Variants in AUTS2 observed in about 807,000 individuals in gnomAD.
AUTS2 encodes activator of transcription and developmental regulator AUTS2, also known as autism susceptibility gene 2 protein.
A neutral mutation model predicts 112.4 loss-of-function variants in AUTS2; 17 were observed. The observed-to-expected ratio is 0.15, with a 90% CI of 0.10 to 0.23. The LOEUF is 0.23. AUTS2 is among the 10% of genes least tolerant of loss of function. The pLI is 1.00. For synonymous variants in AUTS2, 751 were observed against 702.7 expected (o/e 1.07, Z -1.09); for missense variants, 1,510 against 1,701.6 (o/e 0.89, Z 1.98).
chr7:69,922,725 G>C (rs1014244422), intron 2 of AUTS2, among the ~76,000 whole-genome samples: 1 of 152,152 alleles, frequency 6.6e-6, no homozygotes, highest in Non-Finnish European at 1.5e-5. Context: ...TACTTATAGA[G>C]TGTATGCATT....
rs147864778 is a variant in AUTS2, at chr7:70,791,314, T to TGG, written c.*324_*325dup. On this transcript the variant is annotated 3_prime_UTR_variant, in exon 19 of 19. Transcript: ENST00000342771. ...TGGATGATAATTGTAGCGGGGGCGG[T>TGG]GGGGGGGAGAAGTCCACGCCATCCA... The TGG allele has an allele frequency of 7.6e-5, 6 of 78,804 alleles. No homozygotes were observed. The highest frequency in any genetic ancestry group is 4.7e-4 in the South Asian group (1 of 2,148). The allele number at this position is 78,804 out of a possible 1,614,324, so 4.9% of individuals were successfully genotyped here.
At chr7:69,947,061 A>G (rs1326277732) in intron 2 of AUTS2, among the ~76,000 whole-genome samples, 1 of 152,186 alleles carries the variant, frequency 6.6e-6, no homozygotes, top group Non-Finnish European at 1.5e-5. Flanking sequence ...TGTTACCAGC[A>G]GTGCTTGTTG....
rs144623093 is a variant in AUTS2 at position 69,746,490 on chromosome 7, G to A, written c.309+146528G>A. ...CTGAGATGGAGGTGCTAGTCATCAG[G>A]AAAGACCTCTCTAAGGTTACCTTTA... On this transcript the variant is annotated intron_variant, in intron 1 of 18. Coordinates refer to ENST00000342771, the MANE Select transcript of AUTS2 (RefSeq NM_015570.4). Among the ~76,000 whole-genome samples the A allele has an allele frequency of 1.9e-3, 296 of 152,296 alleles. 1 individual carries two copies. The highest frequency in any genetic ancestry group is 6.8e-3 in the African/African-American group (284 of 41,570).
intron 4 of AUTS2, among the ~76,000 whole-genome samples, chr7:70,426,918 C>T (rs1324299282): frequency 2.0e-5 from 3 of 152,120 alleles, no homozygotes; most frequent in Non-Finnish European, 2.9e-5. Flanking sequence ...TTTTACTCAT[C>T]AGCAAATTTG....
intron 1 of AUTS2, among the ~76,000 whole-genome samples, chr7:69,725,218 A>G (rs7801209): frequency 0.095 from 14,504 of 152,186 alleles, 1,082 homozygotes; most frequent in African/African-American, 0.2. Context: ...TAGCAGGAGT[A>G]TATCAAACAC....
chr7:70,043,574 TTCCTTC>T lies in AUTS2; in HGVS notation c.523-74557_523-74552del, dbSNP rs1563060663. 3.5e-5 allele frequency among the ~76,000 whole-genome samples: 4 copies of T among 113,888 alleles called. No individual in the cohort carries two copies. In the East Asian group the frequency reaches 1.0e-3, roughly 30 times the overall value. The allele number at this position is 113,888 out of a possible 152,430, so 74.7% of individuals were successfully genotyped here. On this transcript the variant is annotated intron_variant, in intron 2 of 18. Coordinates refer to ENST00000342771, the MANE Select transcript of AUTS2 (RefSeq NM_015570.4). ...CTTCCTTCCTTCCTTCCTTCCTTCC[TTCCTTC>T]CTTCCTTCCTTCCTTCCTTCCTTCC... is the stretch of plus-strand genomic sequence containing the variant.
At chr7:70,297,614 G>A (rs1365532646) in intron 4 of AUTS2, among the ~76,000 whole-genome samples, 2 of 151,038 alleles carry the variant, frequency 1.3e-5, no homozygotes, top group East Asian at 3.9e-4. Flanking sequence ...TTTTATATTT[G>A]TAGTAGAGAT....
At chr7:69,920,007 A>AT (rs1045003817) in intron 2 of AUTS2, among the ~76,000 whole-genome samples, 1 of 112,126 alleles carries the variant, frequency 8.9e-6, no homozygotes, top group African/African-American at 3.5e-5. Context: ...TATGTATACA[A>AT]TTTTTTGCAG....
At chr7:70,732,724 C>G (rs1019245781) in intron 6 of AUTS2, among the ~76,000 whole-genome samples, 1 of 152,216 alleles carries the variant, frequency 6.6e-6, no homozygotes, top group East Asian at 1.9e-4. Context: ...AGATTCCAAA[C>G]TCTCTCAATT....
At chr7:69,890,632 A>G (rs1794477443) in intron 1 of AUTS2, among the ~76,000 whole-genome samples, 1 of 152,138 alleles carries the variant, frequency 6.6e-6, no homozygotes, top group Non-Finnish European at 1.5e-5. Context: ...AGATAGAAAG[A>G]TAAGAAAACT....
At chr7:70,654,012 T>G (rs561315615) in intron 5 of AUTS2, among the ~76,000 whole-genome samples, 1 of 152,308 alleles carries the variant, frequency 6.6e-6, no homozygotes, top group South Asian at 2.1e-4. Context: ...TTGTGATTTG[T>G]CTTAAATGGA....
chr7:69,756,005 C>T (rs1447554089), intron 1 of AUTS2, among the ~76,000 whole-genome samples: 15 of 152,156 alleles, frequency 9.9e-5, no homozygotes, highest in Admixed American at 9.8e-4. Flanking sequence ...TTTTCCTAAC[C>T]CCCTGCCATC....
chr7:70,162,496 C>T (rs1357598642), intron 4 of AUTS2, among the ~76,000 whole-genome samples: 1 of 132,716 alleles, frequency 7.5e-6, no homozygotes, highest in African/African-American at 2.7e-5. Context: ...AAAGGAGAAC[C>T]TTTAGTTTGT....
At chr7:70,434,785 G>A (rs1795822096) in intron 4 of AUTS2, among the ~76,000 whole-genome samples, 1 of 152,178 alleles carries the variant, frequency 6.6e-6, no homozygotes, top group Admixed American at 6.5e-5. Flanking sequence ...AGCCAGGCCT[G>A]TATCTCAGGT....
At chr7:70,166,811 G>A (rs949439115) in intron 4 of AUTS2, among the ~76,000 whole-genome samples, 4 of 152,114 alleles carry the variant, frequency 2.6e-5, no homozygotes, top group African/African-American at 9.7e-5. Flanking sequence ...TTAAAAAGCA[G>A]AGATTATAAA....
chr7:69,705,832 C>T (rs1452889871), intron 1 of AUTS2, among the ~76,000 whole-genome samples: 1 of 152,156 alleles, frequency 6.6e-6, no homozygotes, highest in East Asian at 1.9e-4. Context: ...ATCTCTTTGT[C>T]TTGCAGATGG....
At chr7:69,948,436 G>A (rs925363728) in intron 2 of AUTS2, among the ~76,000 whole-genome samples, 4 of 152,116 alleles carry the variant, frequency 2.6e-5, no homozygotes, top group African/African-American at 9.7e-5. Context: ...TTAGAATTAA[G>A]CAAATAAAAA....
chr7:70,390,578 G>T (rs1020015353), intron 4 of AUTS2, among the ~76,000 whole-genome samples: 3 of 151,940 alleles, frequency 2.0e-5, no homozygotes, highest in Admixed American at 6.6e-5. Flanking sequence ...GCTCTAGAGG[G>T]ACTTGAAATG....
chr7:69,922,240 C>CATATAAACT (rs1795845433), intron 2 of AUTS2, among the ~76,000 whole-genome samples: 1 of 152,192 alleles, frequency 6.6e-6, no homozygotes, highest in Non-Finnish European at 1.5e-5. Context: ...TATGTGGTTA[C>CATATAAACT]ATATAAACTT....
Sources: gnomAD v4.1 joint callset for allele counts (sites outside exome capture counted in the v4.1 genomes callset) on GRCh38, gnomAD v4.1.1 for gene constraint, MANE v1.5 for transcripts, NCBI Gene and HGNC (gene_info 2026-07-23, HGNC 2026-07-21) for gene names.